The following ZNF212 variants were observed in gnomAD, a reference collection of about 807,000 sequenced individuals.
The protein encoded by ZNF212 is Zinc finger protein C2H2-150.
Under a neutral mutation model 47.3 loss-of-function variants are expected in ZNF212, and 32 were observed. The observed-to-expected ratio is 0.68, with a 90% CI of 0.51 to 0.91. The LOEUF is 0.91. Among genes scored for constraint, ZNF212 ranks in the 40% least tolerant of loss-of-function variants. ZNF212 has a pLI of 0.00. For missense variants in ZNF212, 555 were observed against 622.8 expected (o/e 0.89, Z 1.16); for synonymous variants, 242 against 253.8 (o/e 0.95, Z 0.44).
At position 149,250,421 on chromosome 7, in the gene ZNF212, T is replaced by C; in HGVS notation, c.287T>C (p.Val96Ala). Residue 96 changes from valine (V) to alanine (A), a missense_variant, in exon 2 of 5, where the codon GTG becomes GCG. Coordinates refer to ENST00000335870, the MANE Select transcript of ZNF212 (RefSeq NM_012256.4). The part of the protein sequence containing the change: ...FGNQLEGKWA[V>A]LGTLLQEYGL... ...AACCAGCTGGAGGGCAAGTGGGCCG[T>C]GCTGGGGACCCTGCTGCAGGAGTAT... The C allele has an allele frequency of 6.2e-7, 1 of 1,614,106 alleles. No individual in the cohort carries two copies. Among genetic ancestry groups the C allele is most frequent in the Non-Finnish European group, 8.5e-7 (1 of 1,180,012 alleles).
intron 3 of ZNF212, among the ~76,000 whole-genome samples, chr7:149,251,780 G>C (rs1358847619): frequency 6.7e-6 from 1 of 149,842 alleles, no homozygotes; most frequent in South Asian, 2.3e-4. Context: ...GTGAGCCTCC[G>C]CACCTGGCCT....
chr7:149,252,580 C>CA lies in ZNF212; in HGVS notation c.542-124dup. 6.0e-6 allele frequency: 5 copies of CA among 838,946 alleles called. No individual in the cohort carries two copies. In the South Asian group the frequency reaches 8.3e-5, roughly 14 times the overall value. The allele number at this position is 838,946 out of a possible 1,614,324, so 52.0% of individuals were successfully genotyped here. ...GTCCCAAACTGCTAGGGGAAACTGA[C>CA]AAGAACAGTAGCCTTTGAATCTATA... On this transcript the variant is annotated intron_variant, in intron 3 of 4. Coordinates refer to ENST00000335870, the MANE Select transcript of ZNF212 (RefSeq NM_012256.4).
intron 1 of ZNF212, among the ~76,000 whole-genome samples, chr7:149,240,718 T>A (rs547122724): frequency 6.6e-5 from 10 of 152,292 alleles, no homozygotes; most frequent in African/African-American, 2.2e-4. Context: ...GGAATTGAAT[T>A]GACTTTTAAT....
At position 149,250,798 on chromosome 7, in the gene ZNF212, GTC is replaced by G; in HGVS notation, c.538_539del (p.Leu180GlufsTer19). On this transcript the variant is annotated frameshift_variant, in exon 3 of 5. Coordinates refer to ENST00000335870, the MANE Select transcript of ZNF212 (RefSeq NM_012256.4). LOFTEE classifies it high-confidence loss of function. Reference sequence around the variant, plus strand: ...GATGGAGAGTAACTATGAGACACTGGTCTCTCTGAGTGAGTAGCAGTTTTCTC... The same window carrying G: ...GATGGAGAGTAACTATGAGACACTGGTCTCTGAGTGAGTAGCAGTTTTCTC... ...NVMESNYETLVSLKVLGQTEG... is the reference protein window; with the variant it reads ...NVMESNYETLXSLKVLGQTEG... 6.2e-7 allele frequency: 1 copy of G among 1,614,236 alleles called. No homozygotes were observed. Among genetic ancestry groups the G allele is most frequent in the East Asian group, 2.2e-5 (1 of 44,884 alleles).
In ZNF212 at chr7:149,254,075, G is replaced by A. The variant is rs1166977365; in HGVS notation, c.1148G>A (p.Ser383Asn). 6.2e-7 allele frequency: 1 copy of A among 1,612,688 alleles called. No homozygotes were observed. Among genetic ancestry groups the A allele is most frequent in the Non-Finnish European group, 8.5e-7 (1 of 1,179,416 alleles). ...VCLRSFSCKV[S>N]LVTHQRCHLQ... ...CTGAGGAGCTTCAGCTGCAAGGTGA[G>A]CCTGGTGACCCATCAGCGTTGCCAC... The change falls in exon 5 of 5, where the codon AGC (serine) becomes AAC (asparagine). Residue 383 changes from serine (S) to asparagine (N), a missense_variant. Transcript: ENST00000335870. The surrounding 1 kb of genome is among the most constrained non-coding windows in gnomAD (Gnocchi z 4.5).
intron 1 of ZNF212, among the ~76,000 whole-genome samples, chr7:149,245,249 G>C (rs942287703): frequency 1.3e-5 from 2 of 151,796 alleles, no homozygotes; most frequent in African/African-American, 4.8e-5. Context: ...TACTTGGGAG[G>C]CTGAGGCAGG....
intron 1 of ZNF212, among the ~76,000 whole-genome samples, chr7:149,244,866 G>A (rs980272376): frequency 1.3e-5 from 2 of 152,076 alleles, no homozygotes; most frequent in East Asian, 3.9e-4. Context: ...CCTGTGATTT[G>A]CCCCACTTGA....
At chr7:149,241,633 G>A (rs1796590693) in intron 1 of ZNF212, among the ~76,000 whole-genome samples, 1 of 152,126 alleles carries the variant, frequency 6.6e-6, no homozygotes, top group Non-Finnish European at 1.5e-5. Context: ...GCACATAAAT[G>A]CATTTGAAAT....
rs1194854685 is a variant in ZNF212 at position 149,239,818 on chromosome 7, C to T, written c.24+16C>T. On this transcript the variant is annotated intron_variant, in intron 1 of 4. Transcript: ENST00000335870. ...GCCTGCTCGGGTAAAGAGGCACCGG[C>T]GCGCTGGCTCGAGGGCGCGTTGGGG... 17 of 1,270,710 alleles carry T rather than the reference C, an allele frequency of 1.3e-5. No individual in the cohort carries two copies. The highest frequency in any genetic ancestry group is 1.7e-5 in the Non-Finnish European group (17 of 1,000,256). The allele number at this position is 1,270,710 out of a possible 1,614,324, so 78.7% of individuals were successfully genotyped here.
chr7:149,251,618 G>A (rs911789864), intron 3 of ZNF212, among the ~76,000 whole-genome samples: 1 of 149,674 alleles, frequency 6.7e-6, no homozygotes, highest in African/African-American at 2.5e-5. Context: ...TTTCCGAGTA[G>A]CTGGGATTAC....
Position 149,250,882 on chromosome 7 carries a change from C to A in ZNF212, c.541+75C>A. ...CCTGGCTGGCAGCCTGTAATTCAGA[C>A]CACACCTGTGGCTCCTGTGGCTGTG... On this transcript the variant is annotated intron_variant, in intron 3 of 4. Coordinates refer to ENST00000335870, the MANE Select transcript of ZNF212 (RefSeq NM_012256.4). 5 of 1,587,664 alleles carry A rather than the reference C, an allele frequency of 3.1e-6. No homozygotes were observed. The South Asian group carries it at 5.7e-5, about 18-fold the overall frequency.
intron 1 of ZNF212, 81 bp from the exon 2 acceptor site, chr7:149,250,078 C>A: frequency 7.5e-7 from 1 of 1,339,424 alleles, no homozygotes; most frequent in South Asian, 2.3e-5. Context: ...CTAGATAACT[C>A]TGAGCACTGA....
Position 149,254,442 on chromosome 7 carries a change from G to A in ZNF212, c.*27G>A. 1 of 1,557,962 alleles carries A rather than the reference G, an allele frequency of 6.4e-7. No homozygotes were observed. Reference sequence around the variant, plus strand: ...GGTGCAGCCCCTCGCCCGTCTGGGGGATGGAGGGGGGTGGCATTGGTTCCC... The same window carrying A: ...GGTGCAGCCCCTCGCCCGTCTGGGGAATGGAGGGGGGTGGCATTGGTTCCC... On this transcript the variant is annotated 3_prime_UTR_variant, in exon 5 of 5. Coordinates refer to ENST00000335870, the MANE Select transcript of ZNF212 (RefSeq NM_012256.4). The surrounding 1 kb of genome is among the most constrained non-coding windows in gnomAD (Gnocchi z 4.5).
At chr7:149,244,118 A>G (rs1178573080) in intron 1 of ZNF212, among the ~76,000 whole-genome samples, 2 of 151,876 alleles carry the variant, frequency 1.3e-5, no homozygotes, top group Non-Finnish European at 2.9e-5. Flanking sequence ...TATTTTTAGT[A>G]GAGACAGGGT....
chr7:149,246,406 G>A (rs1302655291), intron 1 of ZNF212, among the ~76,000 whole-genome samples: 4 of 148,042 alleles, frequency 2.7e-5, no homozygotes, highest in African/African-American at 7.5e-5. Flanking sequence ...TTTTTGAGAC[G>A]GAGTCTTATT....
intron 3 of ZNF212, 47 bp downstream of exon 3, chr7:149,250,854 A>T: frequency 6.2e-7 from 1 of 1,608,032 alleles, no homozygotes; most frequent in South Asian, 1.1e-5. Context: ...ACATACTACA[A>T]TTCCTGGCTG....
chr7:149,242,181 C>G (rs1796602674), intron 1 of ZNF212, among the ~76,000 whole-genome samples: 1 of 151,788 alleles, frequency 6.6e-6, no homozygotes, highest in African/African-American at 2.4e-5. Flanking sequence ...GTCACCATGC[C>G]TGGCTAATTT....
intron 1 of ZNF212, among the ~76,000 whole-genome samples, 160 bp from the exon 2 acceptor site, chr7:149,249,996 CATT>C (rs1399663571): frequency 6.6e-6 from 1 of 152,140 alleles, no homozygotes; most frequent in African/African-American, 2.4e-5. Flanking sequence ...CATTTTCCAA[CATT>C]ATTAATACAA....
At chr7:149,253,206 T>G (rs1283740651) in intron 4 of ZNF212, among the ~76,000 whole-genome samples, 1 of 152,156 alleles carries the variant, frequency 6.6e-6, no homozygotes, top group Non-Finnish European at 1.5e-5. Context: ...AGTTTGTCTT[T>G]AATCATTCAA....
Sources: gnomAD v4.1 joint callset for allele counts (sites outside exome capture counted in the v4.1 genomes callset) on GRCh38, gnomAD v4.1.1 for gene constraint, Gnocchi (gnomAD v3.1) non-coding constraint, MANE v1.5 for transcripts, NCBI Gene and HGNC (gene_info 2026-07-23, HGNC 2026-07-21) for gene names.